The following SLC2A14 variants were observed in gnomAD, a reference collection of about 807,000 sequenced individuals.
The protein encoded by SLC2A14 is solute carrier family 2, facilitated glucose transporter member 14.
A neutral mutation model predicts 43.0 loss-of-function variants in SLC2A14; 13 were observed. The observed-to-expected ratio is 0.30, with a 90% CI of 0.20 to 0.48. SLC2A14 has a LOEUF of 0.48. Ranked by LOEUF, SLC2A14 falls within the 20% of genes least tolerant of loss-of-function variation. SLC2A14 has a pLI of 0.99. For missense variants in SLC2A14, 428 were observed against 620.4 expected (o/e 0.69, Z 3.29); for synonymous variants, 190 against 233.8 (o/e 0.81, Z 1.71).
intron 2 of SLC2A14, among the ~76,000 whole-genome samples, chr12:7,858,531 C>T (rs1280400698): frequency 6.6e-6 from 1 of 152,088 alleles, no homozygotes; most frequent in Non-Finnish European, 1.5e-5. Flanking sequence ...TGGAGTTTCG[C>T]TCCTATTGCC....
chr12:7,843,299 G>C (rs1332334973), intron 2 of SLC2A14, among the ~76,000 whole-genome samples: 2 of 149,674 alleles, frequency 1.3e-5, no homozygotes, highest in East Asian at 3.9e-4. Context: ...GAATTTCCTG[G>C]AGGCATGGGA....
intron 2 of SLC2A14, among the ~76,000 whole-genome samples, chr12:7,868,599 C>G (rs1368512737): frequency 6.6e-6 from 1 of 151,972 alleles, no homozygotes; most frequent in African/African-American, 2.4e-5. Context: ...AATAGCTACT[C>G]GAGAAATATT....
chr12:7,883,036 C>T (rs1388384443), intron 1 of SLC2A14, among the ~76,000 whole-genome samples: 1 of 151,834 alleles, frequency 6.6e-6, no homozygotes, highest in African/African-American at 2.4e-5. Flanking sequence ...TGGTGAAACC[C>T]TGTCTCTACT....
At chr12:7,870,563 G>A (rs1015293935) in intron 1 of SLC2A14, among the ~76,000 whole-genome samples, 1 of 151,982 alleles carries the variant, frequency 6.6e-6, no homozygotes, top group South Asian at 2.1e-4. Flanking sequence ...AGTCTATTAG[G>A]AGGAGGAGAA....
At chr12:7,855,450 T>C (rs1213766049) in intron 2 of SLC2A14, among the ~76,000 whole-genome samples, 1 of 151,870 alleles carries the variant, frequency 6.6e-6, no homozygotes, top group Non-Finnish European at 1.5e-5. Flanking sequence ...TCTCTGTTTG[T>C]TTTTTGATGA....
rs950215252 is a variant in SLC2A14, at chr12:7,831,833, G to A, written c.112-69C>T. On this transcript the variant is annotated intron_variant, in intron 3 of 10. Coordinates refer to ENST00000431042, the MANE Select transcript of SLC2A14 (RefSeq NM_001286234.2). ...AGAACAAAAGATACAAATATGCTGG[G>A]TGCAGTGGCTCACGCCTGTAATCCC... 4.0e-5 allele frequency: 63 copies of A among 1,584,358 alleles called. 1 individual carries two copies. In the South Asian group the frequency reaches 6.8e-4, roughly 17 times the overall value.
rs1403871120 is a variant in SLC2A14, at chr12:7,812,538, T to G, written c.*1778A>C. 6.6e-6 allele frequency: 1 copy of G among 152,142 alleles called. No homozygotes were observed. The highest frequency in any genetic ancestry group is 2.4e-5 in the African/African-American group (1 of 41,406). 9.4% of individuals were successfully genotyped at this position (152,142 alleles called of 1,614,324 possible). ...GTCATGTACATTCAGAATTTTTATT[T>G]TAAAACAAAGAATCAAACAAACAAT... On this transcript the variant is annotated 3_prime_UTR_variant, in exon 11 of 11. Coordinates refer to ENST00000431042, the MANE Select transcript of SLC2A14 (RefSeq NM_001286234.2).
At chr12:7,863,069 T>C (rs866056888) in intron 2 of SLC2A14, among the ~76,000 whole-genome samples, 1 of 152,176 alleles carries the variant, frequency 6.6e-6, no homozygotes, top group Non-Finnish European at 1.5e-5. Flanking sequence ...TGTTTCACTC[T>C]TTGCAATAAA....
At chr12:7,867,186 G>A (rs1944959944) in intron 2 of SLC2A14, among the ~76,000 whole-genome samples, 1 of 150,106 alleles carries the variant, frequency 6.7e-6, no homozygotes, top group Non-Finnish European at 1.5e-5. Context: ...GGCTGAGGCA[G>A]GAGAATGGCT....
At chr12:7,880,209 G>A (rs1251720561) in intron 1 of SLC2A14, among the ~76,000 whole-genome samples, 1 of 151,918 alleles carries the variant, frequency 6.6e-6, no homozygotes, top group Non-Finnish European at 1.5e-5. Flanking sequence ...GCTAAGGCAG[G>A]AGAACAGCTT....
At chr12:7,885,105 C>G (rs1945666736) in intron 1 of SLC2A14, among the ~76,000 whole-genome samples, 1 of 152,102 alleles carries the variant, frequency 6.6e-6, no homozygotes, top group Non-Finnish European at 1.5e-5. Context: ...AGTTAGAGTA[C>G]AATCTGACAA....
intron 2 of SLC2A14, among the ~76,000 whole-genome samples, chr12:7,867,342 C>T (rs1944983437): frequency 6.9e-6 from 1 of 144,828 alleles, no homozygotes; most frequent in Non-Finnish European, 1.5e-5. Flanking sequence ...GTCAAAATGT[C>T]AACATTAACA....
chr12:7,831,842 C>T (rs1408866358), intron 3 of SLC2A14, 78 bp from the exon 4 acceptor site: 1 of 1,568,316 alleles, frequency 6.4e-7, no homozygotes, highest in Non-Finnish European at 8.7e-7. Flanking sequence ...GGTGCAGTGG[C>T]TCACGCCTGT....
chr12:7,875,971 G>C (rs1181322577), upstream of SLC2A14, among the ~76,000 whole-genome samples: 1 of 147,516 alleles, frequency 6.8e-6, no homozygotes, highest in Non-Finnish European at 1.5e-5. Context: ...ACAAGACTTC[G>C]TCCCAGAAAA....
At chr12:7,845,769 A>C (rs781638807) in intron 2 of SLC2A14, among the ~76,000 whole-genome samples, 1 of 82,336 alleles carries the variant, frequency 1.2e-5, no homozygotes, top group East Asian at 4.0e-4. Context: ...ACACAGCGAG[A>C]CTCCATCTCA....
intron 2 of SLC2A14, among the ~76,000 whole-genome samples, chr12:7,841,033 T>TA (rs1865908564): frequency 6.6e-6 from 1 of 152,142 alleles, no homozygotes. Flanking sequence ...AACATAAAGA[T>TA]AAAAAACATG....
At chr12:7,844,447 T>C (rs773640817) in intron 2 of SLC2A14, among the ~76,000 whole-genome samples, 3 of 152,156 alleles carry the variant, frequency 2.0e-5, no homozygotes, top group Non-Finnish European at 4.4e-5. Flanking sequence ...TGATATTTGC[T>C]GAATGTATGA....
chr12:7,845,361 A>G (rs1001576770), intron 2 of SLC2A14, among the ~76,000 whole-genome samples: 17 of 152,180 alleles, frequency 1.1e-4, no homozygotes, highest in Admixed American at 1.3e-4. Flanking sequence ...CAATAAAATA[A>G]CCACACATTT....
At chr12:7,869,307 G>C (rs887072741) in intron 2 of SLC2A14, among the ~76,000 whole-genome samples, 9 of 152,106 alleles carry the variant, frequency 5.9e-5, no homozygotes, top group African/African-American at 2.2e-4. Flanking sequence ...AGCACATGTG[G>C]CAAATTAGGC....
Sources: gnomAD v4.1 joint callset for allele counts (sites outside exome capture counted in the v4.1 genomes callset) on GRCh38, gnomAD v4.1.1 for gene constraint, MANE v1.5 for transcripts, NCBI Gene and HGNC (gene_info 2026-07-23, HGNC 2026-07-21) for gene names.